Variants in HPSE2 observed in about 807,000 individuals in gnomAD.
The protein encoded by HPSE2 is heparanase 2 (inactive).
In HPSE2, 38 loss-of-function variants were observed where a neutral mutation model predicts 60.5. The ratio of observed to expected loss-of-function variants is 0.63; its 90% CI spans 0.48 to 0.82. The LOEUF is 0.82. Ranked by LOEUF, HPSE2 falls within the 40% of genes least tolerant of loss-of-function variation. The probability of loss-of-function intolerance (pLI) is 0.00; values close to 1 mark genes in which losing one functional copy is unlikely to be tolerated. For missense variants in HPSE2, 713 were observed against 740.4 expected (o/e 0.96, Z 0.43); for synonymous variants, 295 against 293.2 (o/e 1.01, Z -0.06).
intron 1 of HPSE2, among the ~76,000 whole-genome samples, chr10:99,234,009 T>C (rs959574864): frequency 7.2e-5 from 11 of 152,020 alleles, no homozygotes; most frequent in Non-Finnish European, 1.3e-4. Flanking sequence ...GAAAGAAAGC[T>C]GGTGGGGGAA....
intron 3 of HPSE2, among the ~76,000 whole-genome samples, chr10:99,052,311 A>G (rs1958009001): frequency 6.6e-6 from 1 of 152,108 alleles, no homozygotes; most frequent in Non-Finnish European, 1.5e-5. Context: ...GATTAATAGA[A>G]GACTGAAGCC....
chr10:99,263,652 A>G, the HPSE2 span, among the ~76,000 whole-genome samples: 1 of 151,684 alleles, frequency 6.6e-6, no homozygotes, highest in Non-Finnish European at 1.5e-5. Context: ...TCTCCTTCTC[A>G]TTGGTCACTC....
At chr10:99,142,385 TAA>T (rs1030947330) in intron 3 of HPSE2, among the ~76,000 whole-genome samples, 7 of 152,182 alleles carry the variant, frequency 4.6e-5, no homozygotes, top group African/African-American at 1.4e-4. Flanking sequence ...TAAAGGAAAT[TAA>T]AATAGTTTTA....
chr10:98,949,225 A>AACACGC (rs750765756), intron 3 of HPSE2, among the ~76,000 whole-genome samples: 14 of 143,020 alleles, frequency 9.8e-5, no homozygotes, highest in Non-Finnish European at 1.5e-4. Flanking sequence ...GTAATCCTCC[A>AACACGC]ACACGCACAC....
At chr10:98,592,389 C>T (rs962189122) in intron 9 of HPSE2, among the ~76,000 whole-genome samples, 5 of 152,182 alleles carry the variant, frequency 3.3e-5, no homozygotes, top group African/African-American at 9.7e-5. Context: ...GTTTACGTAA[C>T]TTTATTGGGT....
At chr10:98,942,726 A>T (rs936314950) in intron 3 of HPSE2, among the ~76,000 whole-genome samples, 2 of 152,132 alleles carry the variant, frequency 1.3e-5, no homozygotes, top group African/African-American at 4.8e-5. Flanking sequence ...CCATCTCATT[A>T]TTGGGTATAT....
chr10:99,152,898 C>T (rs1210524200), intron 2 of HPSE2, among the ~76,000 whole-genome samples: 2 of 152,220 alleles, frequency 1.3e-5, no homozygotes, highest in African/African-American at 2.4e-5. Flanking sequence ...GTGCGCGCAT[C>T]GTGCGCGAGC....
intron 9 of HPSE2, among the ~76,000 whole-genome samples, chr10:98,520,103 T>C (rs1290423105): frequency 6.6e-6 from 1 of 152,178 alleles, no homozygotes; most frequent in Non-Finnish European, 1.5e-5. Context: ...CATGGCTGAA[T>C]CTGAAATGGC....
chr10:98,469,441 A>T (rs1179152578), intron 11 of HPSE2, among the ~76,000 whole-genome samples: 1 of 152,216 alleles, frequency 6.6e-6, no homozygotes, highest in East Asian at 1.9e-4. Context: ...CATCATCATC[A>T]ACATTTACAA....
intron 9 of HPSE2, among the ~76,000 whole-genome samples, chr10:98,559,907 C>G (rs1944122527): frequency 6.6e-6 from 1 of 152,068 alleles, no homozygotes; most frequent in South Asian, 2.1e-4. Context: ...GGAGACTCTT[C>G]CAGACAAAGA....
At chr10:99,300,444 A>T in the HPSE2 span, among the ~76,000 whole-genome samples, 1 of 152,168 alleles carries the variant, frequency 6.6e-6, no homozygotes, top group East Asian at 1.9e-4. Flanking sequence ...TCTTAGGGCC[A>T]CTGTCTTCCT....
chr10:98,489,976 G>C (rs1941582374), intron 10 of HPSE2, 75 bp downstream of exon 10: 2 of 1,563,366 alleles, frequency 1.3e-6, no homozygotes, highest in East Asian at 4.5e-5. Flanking sequence ...ATGGAGATGA[G>C]TCTTGAAGGG....
intron 11 of HPSE2, among the ~76,000 whole-genome samples, chr10:98,467,018 T>G (rs530459407): frequency 1.3e-5 from 2 of 152,138 alleles, no homozygotes; most frequent in Non-Finnish European, 2.9e-5. Context: ...TTACGGCCAT[T>G]TATCTAATCG....
chr10:99,232,214 T>TGCATACACAC lies in HPSE2; in HGVS notation c.448+133_448+134insGTGTGTATGC, dbSNP rs766277741. 565 of 898,316 alleles carry TGCATACACAC rather than the reference T, an allele frequency of 6.3e-4. 4 individuals carry two copies. In the African/African-American group the frequency reaches 8.9e-3, roughly 14 times the overall value. 55.6% of individuals were successfully genotyped at this position (898,316 alleles called of 1,614,324 possible). ...ATCTGCCCCAACGCGCGCGCGCGCATACACACACACACACACACACACACA... is the reference window on the plus strand; with the variant it reads ...ATCTGCCCCAACGCGCGCGCGCGCATGCATACACACACACACACACACACACACACACACA... On this transcript the variant is annotated intron_variant, in intron 2 of 11. Transcript: ENST00000370552.
At chr10:98,702,750 G>T (rs117445480) in intron 5 of HPSE2, among the ~76,000 whole-genome samples, 1 of 152,178 alleles carries the variant, frequency 6.6e-6, no homozygotes, top group East Asian at 1.9e-4. Flanking sequence ...AAACAGAGAC[G>T]AGACAACGTA....
At chr10:98,997,176 G>A (rs185960152) in intron 3 of HPSE2, among the ~76,000 whole-genome samples, 45 of 146,644 alleles carry the variant, frequency 3.1e-4, no homozygotes, top group African/African-American at 7.6e-4. Context: ...GCAGTGGAGC[G>A]ATCTCAGCTC....
At chr10:98,935,862 C>A (rs1169905508) in intron 3 of HPSE2, among the ~76,000 whole-genome samples, 1 of 144,770 alleles carries the variant, frequency 6.9e-6, no homozygotes, top group African/African-American at 2.8e-5. Context: ...CTTTTCAGAG[C>A]CAAGAGGCAA....
chr10:98,993,744 A>G (rs755881715), intron 3 of HPSE2, among the ~76,000 whole-genome samples: 3 of 152,144 alleles, frequency 2.0e-5, no homozygotes, highest in Non-Finnish European at 4.4e-5. Flanking sequence ...AGCTTCATGC[A>G]TCACTTCCAA....
chr10:99,023,217 C>T (rs1424730523), intron 3 of HPSE2, among the ~76,000 whole-genome samples: 1 of 152,138 alleles, frequency 6.6e-6, no homozygotes, highest in Non-Finnish European at 1.5e-5. Context: ...GGCAGTATTC[C>T]TTGTGGCCTG....
Sources: allele counts gnomAD v4.1 joint callset (sites outside exome capture counted in the v4.1 genomes callset), GRCh38; gene constraint gnomAD v4.1.1; transcripts MANE v1.5; gene names NCBI Gene and HGNC (gene_info 2026-07-23, HGNC 2026-07-21).